Variants in ELP3 observed in about 807,000 individuals in gnomAD.
ELP3 encodes the protein elongator acetyltransferase complex subunit 3.
A neutral mutation model predicts 74.9 loss-of-function variants in ELP3; 56 were observed. The ratio of observed to expected loss-of-function variants is 0.75; its 90% confidence interval spans 0.60 to 0.93. ELP3 has a LOEUF of 0.93. ELP3 is among the 40% of genes least tolerant of loss of function. The probability of loss-of-function intolerance (pLI) is 0.00; values close to 1 mark genes in which losing one functional copy is unlikely to be tolerated. For missense variants in ELP3, 573 were observed against 686.5 expected, an observed-to-expected ratio of 0.83 and a Z score of 1.85; for synonymous variants, 222 against 239.8, an observed-to-expected ratio of 0.93 and a Z score of 0.68.
At position 28,115,287 on chromosome 8, in the gene ELP3, T is replaced by C. The variant is rs184378119; in HGVS notation, c.617+2114T>C. Among the ~76,000 whole-genome samples the C allele has an allele frequency of 8.5e-5, 13 of 152,196 alleles. No individual in the cohort carries two copies. The East Asian group carries it at 2.5e-3, about 29-fold the overall frequency. On this transcript the variant is annotated intron_variant, in intron 7 of 14. Coordinates refer to ENST00000256398, the MANE Select transcript of ELP3 (RefSeq NM_018091.6). ...CTCATAGGTAACATTGACAACCATGTAAGTGGAGGAGACCACCTCATGGGA... is the reference window on the plus strand; with the variant it reads ...CTCATAGGTAACATTGACAACCATGCAAGTGGAGGAGACCACCTCATGGGA...
Position 28,189,797 on chromosome 8 carries a change from T to G in ELP3, c.*72T>G. 1.3e-6 allele frequency: 2 copies of G among 1,506,266 alleles called. No individual in the cohort carries two copies. Among genetic ancestry groups the G allele is most frequent in the Non-Finnish European group, 1.8e-6 (2 of 1,083,884 alleles). 93.3% of individuals were successfully genotyped at this position (1,506,266 alleles called of 1,614,324 possible). On this transcript the variant is annotated 3_prime_UTR_variant, in exon 15 of 15. Transcript: ENST00000256398. ...CGGAGAATCAGGATTTCTTAAATAC[T>G]CAACAGAGAGGCTGAGCAGAGCAAA...
chr8:28,133,000 T>G (rs1252179083), intron 9 of ELP3, among the ~76,000 whole-genome samples: 1 of 152,142 alleles, frequency 6.6e-6, no homozygotes, highest in Non-Finnish European at 1.5e-5. Context: ...CTCACTGTAT[T>G]AATAAGTTGC....
chr8:28,108,595 T>C (rs766990269), intron 5 of ELP3, among the ~76,000 whole-genome samples: 10 of 151,850 alleles, frequency 6.6e-5, no homozygotes, highest in Non-Finnish European at 1.2e-4. Flanking sequence ...TAGCTGGGAC[T>C]ACAGGCAAGC....
chr8:28,181,814 A>G (rs1271178028), intron 14 of ELP3, among the ~76,000 whole-genome samples: 2 of 152,206 alleles, frequency 1.3e-5, no homozygotes, highest in Non-Finnish European at 2.9e-5. Flanking sequence ...ACCCATTCTG[A>G]AACTCATCTT....
At chr8:28,165,637 T>A (rs1444282492) in intron 14 of ELP3, among the ~76,000 whole-genome samples, 1 of 152,164 alleles carries the variant, frequency 6.6e-6, no homozygotes, top group African/African-American at 2.4e-5. Flanking sequence ...GAGTAATGCA[T>A]TTAGGTAGAA....
intron 7 of ELP3, among the ~76,000 whole-genome samples, chr8:28,124,918 A>G (rs1812513881): frequency 6.6e-6 from 1 of 152,166 alleles, no homozygotes; most frequent in Non-Finnish European, 1.5e-5. Context: ...TCATGATATA[A>G]CCACCAATAT....
At chr8:28,158,847 A>G (rs544364574) in intron 12 of ELP3, among the ~76,000 whole-genome samples, 1 of 152,370 alleles carries the variant, frequency 6.6e-6, no homozygotes, top group African/African-American at 2.4e-5. Flanking sequence ...ACCTCATTCT[A>G]GATTAGCACT....
At chr8:28,187,826 T>C (rs1214479793) in intron 14 of ELP3, among the ~76,000 whole-genome samples, 2 of 152,068 alleles carry the variant, frequency 1.3e-5, no homozygotes, top group African/African-American at 4.8e-5. Flanking sequence ...AATTTAGACA[T>C]TCAGGTGGGT....
In ELP3 at chr8:28,104,600, A is replaced by C. The variant is rs115916663; in HGVS notation, c.259-2113A>C. 6.6e-3 allele frequency among the ~76,000 whole-genome samples: 998 copies of C among 152,294 alleles called. 6 individuals carry two copies. Among genetic ancestry groups the C allele is most frequent in the African/African-American group, 0.021 (855 of 41,558 alleles). ...TTAACGCTTTTGAAGATTTCTGGCA[A>C]GTTATTTTGTAGCACGTCCCTCAGT... is the stretch of plus-strand genomic sequence containing the variant. On this transcript the variant is annotated intron_variant, in intron 3 of 14. Transcript: ENST00000256398.
intron 14 of ELP3, among the ~76,000 whole-genome samples, chr8:28,172,174 A>G (rs774057621): frequency 6.6e-6 from 1 of 151,950 alleles, no homozygotes; most frequent in Non-Finnish European, 1.5e-5. Context: ...GGCTGTTTTT[A>G]TTTCAGCAAA....
Position 28,137,688 on chromosome 8 carries a change from C to G in ELP3, c.907-10C>G, listed in dbSNP as rs199752925. 4 of 1,610,980 alleles carry G rather than the reference C, an allele frequency of 2.5e-6. No individual in the cohort carries two copies. In the African/African-American group the frequency reaches 4.0e-5, roughly 16 times the overall value. On this transcript the variant is annotated splice_polypyrimidine_tract_variant and intron_variant, in intron 9 of 14. Transcript: ENST00000256398. ...TAATGGAGAAGTCATTTTCTGTTCT[C>G]TATTCACAGGAGTTTTTTGAGAACC...
intron 10 of ELP3, among the ~76,000 whole-genome samples, chr8:28,144,174 A>G (rs1368836893): frequency 6.6e-6 from 1 of 152,186 alleles, no homozygotes; most frequent in Non-Finnish European, 1.5e-5. Context: ...ATGTTGCCTC[A>G]TTTTGAATTC....
chr8:28,098,534 A>G (rs1370376976), intron 2 of ELP3, among the ~76,000 whole-genome samples: 1 of 152,046 alleles, frequency 6.6e-6, no homozygotes, highest in Admixed American at 6.5e-5. Flanking sequence ...TCTAGTGAAC[A>G]TTTCTACATC....
intron 9 of ELP3, among the ~76,000 whole-genome samples, chr8:28,136,897 T>C (rs770324727): frequency 1.6e-4 from 24 of 152,182 alleles, no homozygotes; most frequent in Non-Finnish European, 3.1e-4. Flanking sequence ...TGGTGTCTCA[T>C]TGCTACATCC....
intron 7 of ELP3, among the ~76,000 whole-genome samples, chr8:28,116,748 A>G (rs924834417): frequency 1.3e-5 from 2 of 152,054 alleles, no homozygotes; most frequent in Non-Finnish European, 2.9e-5. Flanking sequence ...CAAAAAACAA[A>G]CAACAACAAA....
intron 10 of ELP3, among the ~76,000 whole-genome samples, chr8:28,141,439 T>C (rs987422851): frequency 3.3e-5 from 5 of 152,154 alleles, no homozygotes; most frequent in African/African-American, 1.2e-4. Context: ...TACACAGACA[T>C]GACAATTAAA....
Position 28,118,636 on chromosome 8 carries a change from G to C in ELP3, c.617+5463G>C, listed in dbSNP as rs190367064. On this transcript the variant is annotated intron_variant, in intron 7 of 14. Coordinates refer to ENST00000256398, the MANE Select transcript of ELP3 (RefSeq NM_018091.6). ...TCTGGAGATGAAAAAGACCGGTAGT[G>C]GGATCTGAGTCACCCATTCACTAGA... 4.0e-4 allele frequency among the ~76,000 whole-genome samples: 61 copies of C among 152,250 alleles called. 2 individuals carry two copies. In the East Asian group the frequency reaches 9.8e-3, roughly 25 times the overall value.
chr8:28,121,283 A>G (rs1812356306), intron 7 of ELP3, among the ~76,000 whole-genome samples: 1 of 151,510 alleles, frequency 6.6e-6, no homozygotes, highest in South Asian at 2.1e-4. Context: ...ACAGTAAATG[A>G]AATGTAAATT....
At chr8:28,181,077 C>G (rs996039728) in intron 14 of ELP3, among the ~76,000 whole-genome samples, 3 of 152,166 alleles carry the variant, frequency 2.0e-5, no homozygotes, top group Non-Finnish European at 2.9e-5. Flanking sequence ...CCTCTGGAAG[C>G]TCACATTTTC....
Sources: allele counts gnomAD v4.1 joint callset (sites outside exome capture counted in the v4.1 genomes callset), GRCh38; gene constraint gnomAD v4.1.1; transcripts MANE v1.5; gene names NCBI Gene and HGNC (gene_info 2026-07-23, HGNC 2026-07-21).